The following UNC13C variants were observed in gnomAD, a reference collection of about 807,000 sequenced individuals.
UNC13C encodes the protein unc-13 homolog C.
Under a neutral mutation model 245.4 loss-of-function variants are expected in UNC13C, and 174 were observed. The ratio of observed to expected loss-of-function variants is 0.71; its 90% CI spans 0.63 to 0.80. The LOEUF is 0.80. UNC13C is among the 30% of genes least tolerant of loss of function. The pLI, the probability that UNC13C is intolerant of heterozygous loss-of-function variation, is 0.00. For synonymous variants in UNC13C, 992 were observed against 895.1 expected (o/e 1.11, Z -1.93); for missense variants, 2,829 against 2,602.9 (o/e 1.09, Z -1.89).
intron 2 of UNC13C, among the ~76,000 whole-genome samples, chr15:54,101,467 T>C (rs1900160094): frequency 6.6e-6 from 1 of 152,220 alleles, no homozygotes; most frequent in African/African-American, 2.4e-5. Context: ...ACCTAGTTTT[T>C]TACTAAATAA....
At chr15:54,569,199 A>G (rs112512519) in intron 30 of UNC13C, among the ~76,000 whole-genome samples, 2 of 96,428 alleles carry the variant, frequency 2.1e-5, no homozygotes, top group African/African-American at 1.7e-4. Context: ...ATTTATGTGT[A>G]CACCCCCCCC....
chr15:54,196,560 T>C (rs943128460), intron 4 of UNC13C, among the ~76,000 whole-genome samples: 1 of 152,150 alleles, frequency 6.6e-6, no homozygotes, highest in Non-Finnish European at 1.5e-5. Context: ...TGTTCACTCA[T>C]GAGTTTAAAT....
intron 29 of UNC13C, among the ~76,000 whole-genome samples, chr15:54,565,556 A>G (rs1160254074): frequency 2.6e-5 from 4 of 152,046 alleles, no homozygotes; most frequent in African/African-American, 4.8e-5. Context: ...ATGCAGTTAT[A>G]AAATGTGTCA....
the UNC13C span, among the ~76,000 whole-genome samples, chr15:53,927,359 G>T: frequency 6.6e-5 from 10 of 152,154 alleles, no homozygotes; most frequent in Non-Finnish European, 1.3e-4. Flanking sequence ...GAGAACAGTT[G>T]GGATGTGGGT....
At chr15:54,276,805 A>T (rs532098068) in intron 10 of UNC13C, among the ~76,000 whole-genome samples, 149 of 152,090 alleles carry the variant, frequency 9.8e-4, no homozygotes, top group Non-Finnish European at 1.7e-3. Context: ...ACCATTTTTG[A>T]TACAGTCCTT....
chr15:54,462,335 C>G (rs367778020), intron 19 of UNC13C, among the ~76,000 whole-genome samples: 1 of 152,248 alleles, frequency 6.6e-6, no homozygotes, highest in African/African-American at 2.4e-5. Flanking sequence ...CCTCCTTCGC[C>G]TAAGCGTCCA....
At chr15:53,852,009 A>G in the UNC13C span, among the ~76,000 whole-genome samples, 3 of 152,196 alleles carry the variant, frequency 2.0e-5, no homozygotes, top group Admixed American at 2.0e-4. Context: ...TAGCAAATTA[A>G]TGGGATCCAA....
chr15:53,856,876 G>A, the UNC13C span, among the ~76,000 whole-genome samples: 17 of 152,184 alleles, frequency 1.1e-4, no homozygotes, highest in African/African-American at 4.1e-4. Flanking sequence ...ATGACAGTGA[G>A]GTGTTGAAGT....
At chr15:54,227,812 T>G (rs573096658) in intron 4 of UNC13C, among the ~76,000 whole-genome samples, 4 of 152,318 alleles carry the variant, frequency 2.6e-5, no homozygotes, top group African/African-American at 7.2e-5. Flanking sequence ...GAAGCCGGTA[T>G]AGTACTGGGT....
chr15:54,590,946 T>G (rs1189689681), intron 30 of UNC13C, among the ~76,000 whole-genome samples: 1 of 152,192 alleles, frequency 6.6e-6, no homozygotes, highest in Admixed American at 6.5e-5. Context: ...AGATGGCTTT[T>G]ATTACATTAA....
chr15:54,369,965 T>A (rs147904191), intron 17 of UNC13C, among the ~76,000 whole-genome samples: 87 of 152,232 alleles, frequency 5.7e-4, no homozygotes, highest in African/African-American at 2.1e-3. Flanking sequence ...CTTGTGTTTT[T>A]AAGGGTGGCG....
intron 2 of UNC13C, among the ~76,000 whole-genome samples, chr15:54,083,143 C>A (rs2141121230): frequency 6.6e-6 from 1 of 152,180 alleles, no homozygotes; most frequent in Non-Finnish European, 1.5e-5. Context: ...GTTCTAGGTC[C>A]CTGGGGTAGG....
chr15:54,570,093 T>C (rs1359338762), intron 30 of UNC13C, among the ~76,000 whole-genome samples: 1 of 152,184 alleles, frequency 6.6e-6, no homozygotes, highest in African/African-American at 2.4e-5. Flanking sequence ...AGGCCCTCAA[T>C]GCTTCCTATA....
chr15:53,849,545 A>G, the UNC13C span, among the ~76,000 whole-genome samples: 1 of 152,166 alleles, frequency 6.6e-6, no homozygotes, highest in African/African-American at 2.4e-5. Context: ...AAACTCCAGA[A>G]TACATTACTA....
chr15:53,849,056 T>C, the UNC13C span, among the ~76,000 whole-genome samples: 1 of 151,822 alleles, frequency 6.6e-6, no homozygotes, highest in Non-Finnish European at 1.5e-5. Flanking sequence ...CTGCTTATAA[T>C]CTATGTAGAT....
chr15:54,567,265 G>A (rs1448803277), intron 29 of UNC13C, among the ~76,000 whole-genome samples: 1 of 152,104 alleles, frequency 6.6e-6, no homozygotes, highest in Non-Finnish European at 1.5e-5. Context: ...AGGGGTGTTG[G>A]ATTTCCAAGG....
chr15:54,365,775 AC>A (rs151326013), intron 17 of UNC13C, among the ~76,000 whole-genome samples: 7,146 of 151,700 alleles, frequency 0.047, 238 homozygotes, highest in Admixed American at 0.11. Context: ...AAAAAAAAAA[AC>A]TTGACCCAAG....
chr15:54,056,529 A>T (rs1415909271), intron 2 of UNC13C, among the ~76,000 whole-genome samples: 1 of 152,322 alleles, frequency 6.6e-6, no homozygotes, highest in East Asian at 1.9e-4. Flanking sequence ...AAGTTGGAAA[A>T]CATTCTGCAG....
chr15:54,445,587 A>G (rs923888587), intron 19 of UNC13C, among the ~76,000 whole-genome samples: 7 of 152,170 alleles, frequency 4.6e-5, no homozygotes, highest in African/African-American at 1.7e-4. Flanking sequence ...GGCTGCATAA[A>G]TGTCTTCTTT....
Sources: gnomAD v4.1 joint callset for allele counts (sites outside exome capture counted in the v4.1 genomes callset) on GRCh38, gnomAD v4.1.1 for gene constraint, MANE v1.5 for transcripts, NCBI Gene and HGNC (gene_info 2026-07-23, HGNC 2026-07-21) for gene names.